Variants in PITPNA observed in about 807,000 individuals in gnomAD.
The protein encoded by PITPNA is phosphatidylinositol transfer protein alpha, also known as phosphatidylinositol transfer protein alpha isoform.
PITPNA carries 13 observed loss-of-function variants against 50.3 expected under a neutral mutation model. The ratio of observed to expected loss-of-function variants is 0.26; its 90% confidence interval spans 0.17 to 0.41. The LOEUF is 0.41. Among genes scored for constraint, PITPNA ranks in the 10% least tolerant of loss-of-function variants. The pLI, the probability that PITPNA is intolerant of heterozygous loss-of-function variation, is 1.00. For missense variants in PITPNA, 207 were observed against 333.4 expected (o/e 0.62, Z 2.95); for synonymous variants, 120 against 119.6 (o/e 1.00, Z -0.02).
At chr17:1,543,336 G>A (rs772156662) in intron 4 of PITPNA, among the ~76,000 whole-genome samples, 7 of 152,076 alleles carry the variant, frequency 4.6e-5, no homozygotes, top group South Asian at 2.1e-4. Flanking sequence ...CAGAGGTGCC[G>A]CAACTCATCA....
chr17:1,521,541 G>T, intron 11 of PITPNA, 38 bp downstream of exon 11: 1 of 1,435,034 alleles, frequency 7.0e-7, no homozygotes, highest in Non-Finnish European at 9.8e-7. Flanking sequence ...ACTGATTTTA[G>T]CGTCTGTGAC....
intron 6 of PITPNA, among the ~76,000 whole-genome samples, chr17:1,539,314 C>G (rs1232684186): frequency 6.6e-6 from 1 of 151,864 alleles, no homozygotes; most frequent in Non-Finnish European, 1.5e-5. Flanking sequence ...CTGCCTAGGC[C>G]CGAGTGATCC....
At chr17:1,543,502 T>C (rs950770605) in intron 4 of PITPNA, among the ~76,000 whole-genome samples, 2 of 152,152 alleles carry the variant, frequency 1.3e-5, no homozygotes, top group African/African-American at 4.8e-5. Context: ...CTCCTGCTCA[T>C]TGTAATGGGA....
At position 1,549,601 on chromosome 17, in the gene PITPNA, AGCCACCGTGCCTG is replaced by A. The variant is rs916923866; in HGVS notation, c.198-1227_198-1215del. Among the ~76,000 whole-genome samples, 11 of 144,438 alleles carry A rather than the reference AGCCACCGTGCCTG, an allele frequency of 7.6e-5. 3 individuals carry two copies. The highest frequency in any genetic ancestry group is 2.9e-4 in the African/African-American group (11 of 38,240). 94.8% of individuals were successfully genotyped at this position (144,438 alleles called of 152,430 possible). On this transcript the variant is annotated intron_variant, in intron 3 of 11. Coordinates refer to ENST00000313486, the MANE Select transcript of PITPNA (RefSeq NM_006224.4). ...AAAGTGCTGAGATTACAGTGGCGTG[AGCCACCGTGCCTG>A]GCCTAGAAAGATTTTTTAAAATTAA...
chr17:1,548,537 G>A (rs2075690944), intron 3 of PITPNA, 150 bp from the exon 4 acceptor site: 1 of 582,732 alleles, frequency 1.7e-6, no homozygotes, highest in Admixed American at 3.4e-5. Flanking sequence ...TTACGTATGA[G>A]AGCCTGACAC....
chr17:1,531,331 G>A (rs1030800489), intron 10 of PITPNA, among the ~76,000 whole-genome samples: 3 of 151,870 alleles, frequency 2.0e-5, no homozygotes. Context: ...AGAGGTTCCC[G>A]CCCCCGAATG....
chr17:1,555,156 T>C (rs986621504), intron 2 of PITPNA, among the ~76,000 whole-genome samples: 3 of 152,186 alleles, frequency 2.0e-5, no homozygotes, highest in African/African-American at 7.2e-5. Flanking sequence ...CAGCTAGTGG[T>C]ACCACTTGGG....
chr17:1,528,012 T>C (rs534345732), intron 10 of PITPNA, among the ~76,000 whole-genome samples: 1 of 152,206 alleles, frequency 6.6e-6, no homozygotes, highest in Non-Finnish European at 1.5e-5. Flanking sequence ...CAAGATCCTG[T>C]CTCTACAAAA....
intron 10 of PITPNA, among the ~76,000 whole-genome samples, chr17:1,523,547 C>T (rs2075527813): frequency 1.4e-5 from 2 of 138,546 alleles, no homozygotes; most frequent in Non-Finnish European, 3.1e-5. Context: ...CTCTCTCTGT[C>T]GCCAGGCTGG....
intron 3 of PITPNA, among the ~76,000 whole-genome samples, chr17:1,552,567 C>A (rs2075715066): frequency 6.6e-6 from 1 of 152,082 alleles, no homozygotes; most frequent in Non-Finnish European, 1.5e-5. Flanking sequence ...ACCAGCCCAG[C>A]AATTCTAGGA....
intron 7 of PITPNA, among the ~76,000 whole-genome samples, chr17:1,536,894 AT>A (rs35841957): frequency 0.2 from 19,573 of 98,254 alleles, 1,388 homozygotes; most frequent in African/African-American, 0.22. Context: ...TGTCCGGCCG[AT>A]TTTTTTTTTT....
Position 1,518,400 on chromosome 17 carries a change from G to A in PITPNA, c.*2161C>T, listed in dbSNP as rs945309438. 5 of 152,724 alleles carry A rather than the reference G, an allele frequency of 3.3e-5. No individual in the cohort carries two copies. The highest frequency in any genetic ancestry group is 4.8e-5 in the African/African-American group (2 of 41,462). 9.5% of individuals were successfully genotyped at this position (152,724 alleles called of 1,614,324 possible). A position where few individuals can be genotyped will look rare whatever the true frequency, so the allele number is the denominator to read the frequency against. On this transcript the variant is annotated 3_prime_UTR_variant, in exon 12 of 12. Coordinates refer to ENST00000313486, the MANE Select transcript of PITPNA (RefSeq NM_006224.4). ...TTATCATAAGTCCCTCTGAGTGCTA[G>A]TCAGTTTGGAGGTGGGTGAGGAGGA...
chr17:1,559,924 G>T, intron 1 of PITPNA: 1 of 269,872 alleles, frequency 3.7e-6, no homozygotes, highest in Non-Finnish European at 5.7e-6. Flanking sequence ...AAAGCCAGTG[G>T]TGCAGAAAAA....
At chr17:1,538,978 A>G (rs1456081806) in intron 6 of PITPNA, 26 bp from the exon 7 acceptor site, 1 of 1,532,742 alleles carries the variant, frequency 6.5e-7, no homozygotes, top group Admixed American at 1.7e-5. Context: ...GGGAACCACT[A>G]TGCAGTTTTT....
chr17:1,540,281 T>A lies in PITPNA; in HGVS notation c.372+1285A>T, dbSNP rs2075641547. Among the ~76,000 whole-genome samples, 3 of 152,202 alleles carry A rather than the reference T, an allele frequency of 2.0e-5. No individual in the cohort carries two copies. In the South Asian group the frequency reaches 6.2e-4, roughly 32 times the overall value. On this transcript the variant is annotated intron_variant, in intron 6 of 11. Transcript: ENST00000313486. ...TGTACATGCACATAATACAAAATTATGACACAAATTCAAAATTACAAAAGG... is the reference window on the plus strand; with the variant it reads ...TGTACATGCACATAATACAAAATTAAGACACAAATTCAAAATTACAAAAGG...
At position 1,548,638 on chromosome 17, in the gene PITPNA, G is replaced by A. The variant is rs577648491; in HGVS notation, c.198-251C>T. ...CACAAGAGACCCCAGGCTACCTGCT[G>A]TGGCTCATCACCCCTTCCATCAGCA... On this transcript the variant is annotated intron_variant, in intron 3 of 11. Transcript: ENST00000313486. 5.9e-5 allele frequency among the ~76,000 whole-genome samples: 9 copies of A among 152,266 alleles called. No homozygotes were observed. In the South Asian group the frequency reaches 1.7e-3, roughly 28 times the overall value.
chr17:1,526,506 C>T (rs1239731148), intron 10 of PITPNA, among the ~76,000 whole-genome samples: 1 of 152,204 alleles, frequency 6.6e-6, no homozygotes, highest in Non-Finnish European at 1.5e-5. Context: ...TTTAAAAAGA[C>T]AATTTGCTCA....
intron 4 of PITPNA, 40 bp from the exon 5 acceptor site, chr17:1,543,067 A>G (rs747793291): frequency 6.6e-7 from 1 of 1,522,488 alleles, no homozygotes; most frequent in East Asian, 2.3e-5. Flanking sequence ...AGAGAAAAAG[A>G]TTAATGAAGA....
rs1161003528 is a variant in PITPNA, at chr17:1,532,254, A to AT, written c.768+1844dup. 6.6e-5 allele frequency among the ~76,000 whole-genome samples: 10 copies of AT among 151,818 alleles called. No individual in the cohort carries two copies. In the South Asian group the frequency reaches 8.4e-4, roughly 13 times the overall value. ...AGGTGTCCGCCACCACGCCTGGCTA[A>AT]TTTTTTTTATTTTTAGTAGAGACAG... On this transcript the variant is annotated intron_variant, in intron 10 of 11. Transcript: ENST00000313486.
Sources: gnomAD v4.1 joint callset for allele counts (sites outside exome capture counted in the v4.1 genomes callset) on GRCh38, gnomAD v4.1.1 for gene constraint, MANE v1.5 for transcripts, NCBI Gene and HGNC (gene_info 2026-07-23, HGNC 2026-07-21) for gene names.